The following PLB1 variants were observed in gnomAD, a reference collection of about 807,000 sequenced individuals.
The protein encoded by PLB1 is phospholipase B1, membrane-associated.
A neutral mutation model predicts 227.4 loss-of-function variants in PLB1; 242 were observed. The ratio of observed to expected loss-of-function variants is 1.06; its 90% confidence interval spans 0.96 to 1.18. The LOEUF is 1.18. Among genes scored for constraint, PLB1 ranks in the 50% most tolerant of loss-of-function variants. The pLI is 0.00. For synonymous variants in PLB1, 757 were observed against 682.2 expected (o/e 1.11, Z -1.71); for missense variants, 1,858 against 1,816.3 (o/e 1.02, Z -0.42).
chr2:28,545,064 G>GT, intron 14 of PLB1, among the ~76,000 whole-genome samples: 1 of 152,250 alleles, frequency 6.6e-6, no homozygotes, highest in South Asian at 2.1e-4. Flanking sequence ...TACACCCCAC[G>GT]TACGGTCTCT....
chr2:28,620,175 G>C, intron 46 of PLB1, 90 bp from the exon 47 acceptor site: 2 of 829,750 alleles, frequency 2.4e-6, no homozygotes, highest in South Asian at 4.4e-5. Flanking sequence ...GGCAAATCCA[G>C]GTCCTAGCTG....
Position 28,601,885 on chromosome 2 carries a change from C to T in PLB1, c.2608-14C>T, listed in dbSNP as rs1558886747. 1 of 1,592,668 alleles carries T rather than the reference C, an allele frequency of 6.3e-7. No homozygotes were observed. On this transcript the variant is annotated splice_polypyrimidine_tract_variant and intron_variant, in intron 37 of 57. Transcript: ENST00000327757. Reference sequence around the variant, plus strand: ...AACCAGTTCCTCCTTTTCCTCCTTCCTGTCTCTTTCTAGAATCTGTATTCT... The same window carrying T: ...AACCAGTTCCTCCTTTTCCTCCTTCTTGTCTCTTTCTAGAATCTGTATTCT...
chr2:28,519,746 A>G lies in PLB1; in HGVS notation c.226A>G (p.Ile76Val). ...TTCTGATATTAAATTTGTGGCAGCC[A>G]TTGGCAATCTGGAAATTGTGAGTAT... ...KPSDIKFVAAIGNLEIPPDPG... is the reference protein window; with the variant it reads ...KPSDIKFVAAVGNLEIPPDPG... The change falls in exon 4 of 58, where the codon ATT (isoleucine) becomes GTT (valine). Residue 76 changes from isoleucine to valine, a missense_variant. By Grantham distance (29) the Ile-to-Val change is conservative. Transcript: ENST00000327757. The G allele has an allele frequency of 2.5e-6, 4 of 1,611,962 alleles. No individual in the cohort carries two copies. Among genetic ancestry groups the G allele is most frequent in the Non-Finnish European group, 3.4e-6 (4 of 1,178,202 alleles).
chr2:28,553,948 T>C (rs947153596), intron 17 of PLB1, among the ~76,000 whole-genome samples: 1 of 152,176 alleles, frequency 6.6e-6, no homozygotes, highest in African/African-American at 2.4e-5. Flanking sequence ...AGCAAATAAA[T>C]GCTTGGCTGC....
chr2:28,502,491 C>T (rs1033852838), intron 1 of PLB1, among the ~76,000 whole-genome samples: 1 of 151,752 alleles, frequency 6.6e-6, no homozygotes, highest in Non-Finnish European at 1.5e-5. Context: ...GATTATTTAC[C>T]CTTAGATCTA....
chr2:28,640,959 C>A lies in PLB1; in HGVS notation c.4131C>A (p.Asn1377Lys), dbSNP rs1243356264. The change falls in exon 57 of 58, where the codon AAC becomes AAA. Residue 1377 changes from asparagine (N) to lysine (K), a missense_variant. Coordinates refer to ENST00000327757, the MANE Select transcript of PLB1 (RefSeq NM_153021.5). ...CAGTGGGCCGCAAGACTACCTCCAA[C>A]AACTTCACCCACAGCCGAGCCAAAC... ...LEPVGRKTTSNNFTHSRAKLK... is the reference protein window; with the variant it reads ...LEPVGRKTTSKNFTHSRAKLK... 1 of 1,613,858 alleles carries A rather than the reference C, an allele frequency of 6.2e-7. No individual in the cohort carries two copies. The highest frequency in any genetic ancestry group is 8.5e-7 in the Non-Finnish European group (1 of 1,179,926).
chr2:28,516,238 A>G (rs1668834825), intron 1 of PLB1, among the ~76,000 whole-genome samples: 1 of 152,210 alleles, frequency 6.6e-6, no homozygotes, highest in Non-Finnish European at 1.5e-5. Context: ...AAGCTGGGAC[A>G]AGGACAGTGG....
intron 22 of PLB1, among the ~76,000 whole-genome samples, chr2:28,578,466 G>A (rs181704898): frequency 9.9e-5 from 15 of 152,212 alleles, no homozygotes; most frequent in Admixed American, 2.6e-4. Context: ...CAGTTGCCAC[G>A]TGCTCCACCG....
In PLB1 at chr2:28,535,507, C is replaced by T. The variant is rs555051805; in HGVS notation, c.556-2812C>T. Among the ~76,000 whole-genome samples, 136 of 152,362 alleles carry T rather than the reference C, an allele frequency of 8.9e-4. 1 individual carries two copies. Among genetic ancestry groups the T allele is most frequent in the Non-Finnish European group, 1.5e-3 (99 of 68,028 alleles). On this transcript the variant is annotated intron_variant, in intron 9 of 57. Coordinates refer to ENST00000327757, the MANE Select transcript of PLB1 (RefSeq NM_153021.5). ...AGTGGTACCTCTGGCCACACCTCCC[C>T]GTTTAAGCTAATCCTGTGGTGTAGC... is the stretch of plus-strand genomic sequence containing the variant.
At chr2:28,496,776 T>A (rs147901228) in intron 1 of PLB1, among the ~76,000 whole-genome samples, 114 of 152,328 alleles carry the variant, frequency 7.5e-4, no homozygotes, top group African/African-American at 2.7e-3. Flanking sequence ...AATCCCTCTC[T>A]GCCCCTCTTC....
At chr2:28,558,101 T>C (rs932442849) in intron 17 of PLB1, among the ~76,000 whole-genome samples, 1 of 152,138 alleles carries the variant, frequency 6.6e-6, no homozygotes, top group African/African-American at 2.4e-5. Context: ...CCAATCAGTC[T>C]ATCTATACAT....
At position 28,643,804 on chromosome 2, in the gene PLB1, C is replaced by G. The variant is rs1441222012; in HGVS notation, c.*743C>G. The G allele has an allele frequency of 6.6e-6, 1 of 152,228 alleles. No individual in the cohort carries two copies. Among genetic ancestry groups the G allele is most frequent in the African/African-American group, 2.4e-5 (1 of 41,458 alleles). The allele number at this position is 152,228 out of a possible 1,614,324, so 9.4% of individuals were successfully genotyped here. On this transcript the variant is annotated 3_prime_UTR_variant, in exon 58 of 58. Coordinates refer to ENST00000327757, the MANE Select transcript of PLB1 (RefSeq NM_153021.5). ...GGGACACAAATACCTCCTATATTCT[C>G]AACCTGATTTTCTCAAGGTGCTAAA... is the stretch of plus-strand genomic sequence containing the variant.
intron 6 of PLB1, among the ~76,000 whole-genome samples, chr2:28,526,931 T>C (rs1405634852): frequency 6.6e-6 from 1 of 152,118 alleles, no homozygotes; most frequent in Non-Finnish European, 1.5e-5. Flanking sequence ...TGGATCTGAT[T>C]GACAGGTGAG....
chr2:28,626,285 C>G (rs931592030), intron 50 of PLB1, 143 bp from the exon 51 acceptor site: 1 of 635,454 alleles, frequency 1.6e-6, no homozygotes, highest in East Asian at 2.9e-5. Context: ...TGTGAGCCAC[C>G]GTGCCTGGCC....
chr2:28,512,902 T>A lies in PLB1; in HGVS notation c.56-3906T>A, dbSNP rs1654481013. On this transcript the variant is annotated intron_variant, in intron 1 of 57. Coordinates refer to ENST00000327757, the MANE Select transcript of PLB1 (RefSeq NM_153021.5). ...TTAGATTTACATGTGGCTCTTTCAG[T>A]CTTTCTGGCACATACATCAATTTCC... 2.6e-5 allele frequency among the ~76,000 whole-genome samples: 4 copies of A among 151,306 alleles called. No individual in the cohort carries two copies. In the South Asian group the frequency reaches 8.3e-4, roughly 31 times the overall value.
At chr2:28,540,169 C>T (rs1244554929) in intron 11 of PLB1, among the ~76,000 whole-genome samples, 197 bp from the exon 12 acceptor site, 1 of 151,942 alleles carries the variant, frequency 6.6e-6, no homozygotes, top group Non-Finnish European at 1.5e-5. Context: ...TCCCTCCATC[C>T]CATACCCAAC....
intron 51 of PLB1, among the ~76,000 whole-genome samples, chr2:28,628,315 T>A (rs1688094289): frequency 6.6e-6 from 1 of 152,118 alleles, no homozygotes; most frequent in African/African-American, 2.4e-5. Context: ...AGTCCACTGT[T>A]GGGTCTGAGA....
intron 56 of PLB1, among the ~76,000 whole-genome samples, chr2:28,638,098 C>T (rs1689578334): frequency 6.6e-6 from 1 of 151,940 alleles, no homozygotes; most frequent in African/African-American, 2.4e-5. Context: ...GAGGACTCAG[C>T]AGTGAAAAGA....
intron 4 of PLB1, among the ~76,000 whole-genome samples, chr2:28,522,942 A>G (rs763506980): frequency 5.3e-5 from 8 of 152,238 alleles, no homozygotes; most frequent in Non-Finnish European, 1.2e-4. Context: ...AAGACAGTGA[A>G]TTTAAGAAGA....
Sources: allele counts gnomAD v4.1 joint callset (sites outside exome capture counted in the v4.1 genomes callset), GRCh38; gene constraint gnomAD v4.1.1; transcripts MANE v1.5; gene names NCBI Gene and HGNC (gene_info 2026-07-23, HGNC 2026-07-21).